Variants in CMTM8 observed in about 807,000 individuals in gnomAD.
The protein encoded by CMTM8 is CKLF-like MARVEL transmembrane domain-containing protein 8.
A neutral mutation model predicts 18.6 loss-of-function variants in CMTM8; 12 were observed. The ratio of observed to expected loss-of-function variants is 0.65; its 90% CI spans 0.41 to 1.05. The LOEUF is 1.05. Among genes scored for constraint, CMTM8 ranks in the 50% least tolerant of loss-of-function variants. The pLI, the probability that CMTM8 is intolerant of heterozygous loss-of-function variation, is 0.00. For synonymous variants in CMTM8, 87 were observed against 90.6 expected (o/e 0.96, Z 0.23); for missense variants, 217 against 227.2 (o/e 0.95, Z 0.29).
At chr3:32,304,900 G>A (rs557630273) in intron 1 of CMTM8, among the ~76,000 whole-genome samples, 17 of 152,332 alleles carry the variant, frequency 1.1e-4, no homozygotes, top group Middle Eastern at 3.4e-3. Context: ...AAGCTTATGA[G>A]GAGGAATATT....
intron 1 of CMTM8, among the ~76,000 whole-genome samples, chr3:32,356,590 A>G (rs1313688057): frequency 1.3e-5 from 2 of 152,238 alleles, no homozygotes; most frequent in Non-Finnish European, 2.9e-5. Context: ...GAGTGTCCAC[A>G]TCTGGACTGG....
chr3:32,318,703 A>T (rs1312881703), intron 1 of CMTM8, among the ~76,000 whole-genome samples: 1 of 150,364 alleles, frequency 6.7e-6, no homozygotes, highest in Non-Finnish European at 1.5e-5. Context: ...AGTACCTGGG[A>T]CTACAGGCAC....
At chr3:32,339,399 C>G (rs1366477354) in intron 1 of CMTM8, among the ~76,000 whole-genome samples, 1 of 152,182 alleles carries the variant, frequency 6.6e-6, no homozygotes, top group Admixed American at 6.5e-5. Context: ...AGTTGGACTT[C>G]AGAAAAGGTC....
intron 1 of CMTM8, among the ~76,000 whole-genome samples, chr3:32,264,791 G>A (rs1702311213): frequency 6.6e-6 from 1 of 152,006 alleles, no homozygotes; most frequent in Non-Finnish European, 1.5e-5. Flanking sequence ...AAAAAAGGCA[G>A]GTGTTGCAAT....
intron 1 of CMTM8, among the ~76,000 whole-genome samples, chr3:32,288,640 A>G: frequency 6.6e-6 from 1 of 152,018 alleles, no homozygotes; most frequent in East Asian, 1.9e-4. Flanking sequence ...AGCTAGGACT[A>G]CAGGCGCCCA....
chr3:32,298,641 T>TA (rs963111414), intron 1 of CMTM8, among the ~76,000 whole-genome samples: 2 of 150,682 alleles, frequency 1.3e-5, no homozygotes, highest in African/African-American at 2.4e-5. Context: ...TGCTGCTTTT[T>TA]AAAAAAAATT....
intron 1 of CMTM8, among the ~76,000 whole-genome samples, chr3:32,311,651 TAGTC>T (rs1271929045): frequency 3.9e-5 from 6 of 152,246 alleles, no homozygotes; most frequent in Admixed American, 1.3e-4. Context: ...CTAGTATTCA[TAGTC>T]AGCCCACTTC....
intron 2 of CMTM8, among the ~76,000 whole-genome samples, chr3:32,361,286 G>GTTTTTTTTTTGGTTTTTTTTTTTT (rs58364646): frequency 1.1e-5 from 1 of 87,230 alleles, no homozygotes; most frequent in African/African-American, 4.0e-5. Context: ...CAGCCTAAGA[G>GTTTTTTTTTTGGTTTTTTTTTTTT]TTTTTTTTTC....
intron 1 of CMTM8, among the ~76,000 whole-genome samples, chr3:32,354,662 C>T (rs1489283367): frequency 6.6e-6 from 1 of 152,214 alleles, no homozygotes; most frequent in Non-Finnish European, 1.5e-5. Context: ...ACACTATCAA[C>T]ACATCTACAG....
At chr3:32,357,766 C>T (rs975053977) in intron 2 of CMTM8, among the ~76,000 whole-genome samples, 4 of 152,248 alleles carry the variant, frequency 2.6e-5, no homozygotes, top group Non-Finnish European at 4.4e-5. Context: ...AAATTCCTTT[C>T]AGGCAGAATT....
intron 1 of CMTM8, among the ~76,000 whole-genome samples, chr3:32,245,566 C>T (rs1343762053): frequency 6.6e-6 from 1 of 152,146 alleles, no homozygotes; most frequent in East Asian, 1.9e-4. Flanking sequence ...GTAAATTGTG[C>T]CCTTCCTGTT....
At chr3:32,259,524 G>A (rs1702225252) in intron 1 of CMTM8, 8 of 785,790 alleles carry the variant, frequency 1.0e-5, no homozygotes, top group African/African-American at 3.4e-5. Context: ...AATGTCACTC[G>A]GCTGCAGCTG....
intron 1 of CMTM8, among the ~76,000 whole-genome samples, chr3:32,309,489 G>A (rs2125568356): frequency 6.6e-6 from 1 of 151,796 alleles, no homozygotes; most frequent in Middle Eastern, 3.4e-3. Flanking sequence ...TGTATTTTTA[G>A]TAGAGACAGT....
At chr3:32,321,128 G>C (rs1005146500) in intron 1 of CMTM8, among the ~76,000 whole-genome samples, 1 of 151,996 alleles carries the variant, frequency 6.6e-6, no homozygotes, top group Non-Finnish European at 1.5e-5. Context: ...AAGCAGACAG[G>C]GTTTAAAAAT....
At chr3:32,355,974 G>C (rs1427815773) in intron 1 of CMTM8, among the ~76,000 whole-genome samples, 1 of 152,120 alleles carries the variant, frequency 6.6e-6, no homozygotes, top group Non-Finnish European at 1.5e-5. Context: ...CCCCATCATA[G>C]ACCCTTATCA....
At chr3:32,246,341 A>G (rs939974918) in intron 1 of CMTM8, among the ~76,000 whole-genome samples, 1 of 152,106 alleles carries the variant, frequency 6.6e-6, no homozygotes, top group African/African-American at 2.4e-5. Flanking sequence ...TTCATTCCCC[A>G]GGGTTCCTCC....
intron 1 of CMTM8, among the ~76,000 whole-genome samples, chr3:32,316,374 T>C (rs986211809): frequency 1.1e-4 from 17 of 152,168 alleles, no homozygotes; most frequent in African/African-American, 4.1e-4. Flanking sequence ...TTAAGCAGAT[T>C]TGATGAAGTT....
intron 1 of CMTM8, among the ~76,000 whole-genome samples, chr3:32,240,976 C>T (rs565672674): frequency 4.6e-5 from 7 of 152,090 alleles, no homozygotes; most frequent in South Asian, 2.1e-4. Context: ...TTTCTAGGGA[C>T]GGGGTCTCTC....
intron 1 of CMTM8, among the ~76,000 whole-genome samples, chr3:32,354,690 TTA>T (rs1226300729): frequency 6.6e-6 from 1 of 152,198 alleles, no homozygotes; most frequent in African/African-American, 2.4e-5. Flanking sequence ...TCACTCACTG[TTA>T]TGTTTCCTAT....
Sources: gnomAD v4.1 joint callset for allele counts (sites outside exome capture counted in the v4.1 genomes callset) on GRCh38, gnomAD v4.1.1 for gene constraint, MANE v1.5 for transcripts, NCBI Gene and HGNC (gene_info 2026-07-23, HGNC 2026-07-21) for gene names.